Variants in UNC5D observed in about 807,000 individuals in gnomAD.
The protein encoded by UNC5D is unc-5 netrin receptor D.
Under a neutral mutation model 105.4 loss-of-function variants are expected in UNC5D, and 39 were observed. The observed-to-expected ratio is 0.37, with a 90% CI of 0.29 to 0.48. The LOEUF is 0.48. Among genes scored for constraint, UNC5D ranks in the 20% least tolerant of loss-of-function variants. UNC5D has a pLI of 0.98. For missense variants in UNC5D, 991 were observed against 1,202.4 expected (o/e 0.82, Z 2.60); for synonymous variants, 452 against 450.4 (o/e 1.00, Z -0.04).
intron 1 of UNC5D, among the ~76,000 whole-genome samples, chr8:35,482,427 T>G (rs1810542266): frequency 1.3e-5 from 2 of 152,172 alleles, no homozygotes; most frequent in Non-Finnish European, 2.9e-5. Context: ...TTGTTCTAAC[T>G]CTCCTCCTTC....
intron 4 of UNC5D, among the ~76,000 whole-genome samples, chr8:35,631,506 C>A (rs546235093): frequency 6.6e-6 from 1 of 152,144 alleles, no homozygotes; most frequent in Non-Finnish European, 1.5e-5. Flanking sequence ...AAGCTGTTGA[C>A]CCAATTCTCT....
chr8:35,274,384 C>T (rs1012883085), intron 1 of UNC5D, among the ~76,000 whole-genome samples: 4 of 152,100 alleles, frequency 2.6e-5, no homozygotes, highest in Admixed American at 2.0e-4. Flanking sequence ...ACTAAACTGC[C>T]TCAAAAGGGA....
At chr8:35,244,353 G>A (rs1205578768) in intron 1 of UNC5D, among the ~76,000 whole-genome samples, 1 of 152,118 alleles carries the variant, frequency 6.6e-6, no homozygotes, top group Non-Finnish European at 1.5e-5. Context: ...GGATGATACA[G>A]CACTTCACTC....
chr8:35,247,210 G>A (rs1026923531), intron 1 of UNC5D, among the ~76,000 whole-genome samples: 6 of 148,286 alleles, frequency 4.0e-5, no homozygotes, highest in African/African-American at 1.5e-4. Context: ...TTACCCTTCT[G>A]TTAAAGGATG....
At chr8:35,491,871 C>A (rs951137621) in intron 1 of UNC5D, among the ~76,000 whole-genome samples, 1 of 152,114 alleles carries the variant, frequency 6.6e-6, no homozygotes, top group Non-Finnish European at 1.5e-5. Flanking sequence ...AAATATTATG[C>A]AATTAGCTTA....
intron 7 of UNC5D, among the ~76,000 whole-genome samples, chr8:35,705,018 C>T (rs1299623576): frequency 1.4e-5 from 2 of 140,010 alleles, no homozygotes; most frequent in African/African-American, 5.4e-5. Flanking sequence ...GGCTGGAGTG[C>T]AGTGGCACGA....
At chr8:35,605,995 A>G (rs974773476) in intron 4 of UNC5D, among the ~76,000 whole-genome samples, 3 of 146,642 alleles carry the variant, frequency 2.0e-5, no homozygotes, top group Non-Finnish European at 4.5e-5. Flanking sequence ...TTTATTTTTT[A>G]TTTTTTTTTT....
intron 16 of UNC5D, among the ~76,000 whole-genome samples, chr8:35,781,827 C>T (rs1307504228): frequency 2.0e-5 from 3 of 152,160 alleles, no homozygotes; most frequent in Non-Finnish European, 1.5e-5. Context: ...AACAGACAGT[C>T]CTCAAGGATC....
intron 1 of UNC5D, among the ~76,000 whole-genome samples, chr8:35,412,650 A>C (rs1395053914): frequency 6.6e-6 from 1 of 152,108 alleles, no homozygotes; most frequent in Non-Finnish European, 1.5e-5. Context: ...GAATCAACAC[A>C]TGTAAATAAA....
At chr8:35,271,743 T>G (rs4585746) in intron 1 of UNC5D, among the ~76,000 whole-genome samples, 108,571 of 129,972 alleles carry the variant, frequency 0.84, 44,800 homozygotes, top group East Asian at 0.99. Context: ...ACATATATAT[T>G]TATACATGTA....
intron 13 of UNC5D, among the ~76,000 whole-genome samples, chr8:35,758,478 T>A (rs183351826): frequency 6.6e-6 from 1 of 152,200 alleles, no homozygotes; most frequent in Non-Finnish European, 1.5e-5. Flanking sequence ...GGGAGATCTC[T>A]TATATTCAGT....
intron 1 of UNC5D, among the ~76,000 whole-genome samples, chr8:35,240,104 T>A (rs1419801423): frequency 6.6e-6 from 1 of 151,976 alleles, no homozygotes; most frequent in Non-Finnish European, 1.5e-5. Flanking sequence ...CCCGGCTCAG[T>A]AATTTTTTGT....
At chr8:35,378,479 C>T (rs1204517811) in intron 1 of UNC5D, among the ~76,000 whole-genome samples, 1 of 152,162 alleles carries the variant, frequency 6.6e-6, no homozygotes, top group East Asian at 1.9e-4. Flanking sequence ...AGGTTGATGT[C>T]AAGAGGCTCA....
rs368020573 is a variant in UNC5D at position 35,751,592 on chromosome 8, A to G, written c.2163+783A>G. 1.7e-4 allele frequency among the ~76,000 whole-genome samples: 26 copies of G among 152,314 alleles called. No homozygotes were observed. The South Asian group carries it at 2.5e-3, about 15-fold the overall frequency. On this transcript the variant is annotated intron_variant, in intron 13 of 16. Transcript: ENST00000404895. ...GGTTAGGAGCAAGATGAAGTTGGTTAGGTCAGATCTCTTTCACTGTAATAA... is the reference window on the plus strand; with the variant it reads ...GGTTAGGAGCAAGATGAAGTTGGTTGGGTCAGATCTCTTTCACTGTAATAA...
Position 35,748,600 on chromosome 8 carries a change from A to C in UNC5D, c.1840A>C (p.Thr614Pro). 1 of 1,613,596 alleles carries C rather than the reference A, an allele frequency of 6.2e-7. No homozygotes were observed. Residue 614 changes from threonine to proline, a missense_variant, in exon 12 of 17, where the codon ACT becomes CCT. Physicochemically the swap from Thr to Pro is conservative, Grantham distance 38 (BLOSUM62 -1). Around this residue, in one of 3 missense-constraint regions of UNC5D, gnomAD observed 944 missense variants for 1,131.6 expected, o/e 0.83. Coordinates refer to ENST00000404895, the MANE Select transcript of UNC5D (RefSeq NM_080872.4). The stretch of plus-strand genomic sequence containing the variant: ...TGGTCCTCCAGACATGATCGTCACC[A>C]CTCCCTTTGCATTGACCATCCCGCA... ...TCGPPDMIVTTPFALTIPHCA... is the reference protein window; with the variant it reads ...TCGPPDMIVTPPFALTIPHCA...
At chr8:35,353,289 C>T (rs1812371451) in intron 1 of UNC5D, among the ~76,000 whole-genome samples, 1 of 152,132 alleles carries the variant, frequency 6.6e-6, no homozygotes. Flanking sequence ...GGCTCCTAAA[C>T]ATAAATGACA....
intron 1 of UNC5D, among the ~76,000 whole-genome samples, chr8:35,338,262 A>G (rs1319507815): frequency 1.3e-5 from 2 of 152,194 alleles, no homozygotes; most frequent in Non-Finnish European, 2.9e-5. Flanking sequence ...AAGTTTGTTG[A>G]AATCGTCAAA....
intron 13 of UNC5D, among the ~76,000 whole-genome samples, chr8:35,754,328 C>G (rs574177967): frequency 6.6e-6 from 1 of 152,142 alleles, no homozygotes; most frequent in Non-Finnish European, 1.5e-5. Context: ...TATGATGATA[C>G]GTTTGTTGTG....
chr8:35,725,038 C>A (rs1828785553), intron 9 of UNC5D, among the ~76,000 whole-genome samples: 4 of 152,152 alleles, frequency 2.6e-5, no homozygotes, highest in Admixed American at 2.6e-4. Context: ...CTTAGAGCAT[C>A]ACAACAAGAG....
Sources: gnomAD v4.1 joint callset for allele counts (sites outside exome capture counted in the v4.1 genomes callset) on GRCh38, gnomAD v4.1.1 for gene constraint, gnomAD v4.1.1 regional missense constraint, MANE v1.5 for transcripts, NCBI Gene and HGNC (gene_info 2026-07-23, HGNC 2026-07-21) for gene names.